ARFIP1: variants seen among roughly 807,000 people sequenced by gnomAD.
The protein encoded by ARFIP1 is ARF interacting protein 1.
Under a neutral mutation model 42.5 loss-of-function variants are expected in ARFIP1, and 24 were observed. The observed-to-expected ratio is 0.57, with a 90% confidence interval of 0.41 to 0.80. The LOEUF is 0.80. Among genes scored for constraint, ARFIP1 ranks in the 30% least tolerant of loss-of-function variants. The pLI is 0.00. For synonymous variants in ARFIP1, 141 were observed against 153.7 expected (o/e 0.92, Z 0.61); for missense variants, 354 against 434.0 (o/e 0.82, Z 1.64).
At chr4:152,833,679 G>A (rs770278642) in intron 2 of ARFIP1, among the ~76,000 whole-genome samples, 3 of 152,132 alleles carry the variant, frequency 2.0e-5, no homozygotes, top group African/African-American at 7.2e-5. Context: ...CAGACAATGC[G>A]ATATCATTCA....
chr4:152,887,792 A>G (rs1050987729), intron 7 of ARFIP1, among the ~76,000 whole-genome samples: 1 of 152,010 alleles, frequency 6.6e-6, no homozygotes, highest in Admixed American at 6.6e-5. Context: ...GCTTTGCCTA[A>G]TCAGTACTAA....
At chr4:152,818,440 G>T (rs528539494) in intron 1 of ARFIP1, among the ~76,000 whole-genome samples, 14 of 152,290 alleles carry the variant, frequency 9.2e-5, no homozygotes, top group Non-Finnish European at 2.1e-4. Flanking sequence ...GATGGGCTTT[G>T]CATGCACGCC....
intron 1 of ARFIP1, among the ~76,000 whole-genome samples, chr4:152,784,699 G>C (rs930613978): frequency 2.0e-5 from 3 of 152,124 alleles, no homozygotes; most frequent in African/African-American, 7.2e-5. Flanking sequence ...AATAACTTTG[G>C]GTATTTGGAA....
At chr4:152,825,277 C>T (rs1310089018) in intron 1 of ARFIP1, among the ~76,000 whole-genome samples, 2 of 152,118 alleles carry the variant, frequency 1.3e-5, no homozygotes, top group African/African-American at 4.8e-5. Flanking sequence ...AATCTAGAGG[C>T]ATCACATTAC....
chr4:152,900,997 T>A (rs1737785305), intron 8 of ARFIP1, among the ~76,000 whole-genome samples: 2 of 152,210 alleles, frequency 1.3e-5, no homozygotes, highest in South Asian at 4.1e-4. Flanking sequence ...ATTGCGGTTT[T>A]TGCCATTACT....
chr4:152,892,143 G>C (rs1224543328), intron 8 of ARFIP1, among the ~76,000 whole-genome samples: 1 of 152,064 alleles, frequency 6.6e-6, no homozygotes, highest in East Asian at 1.9e-4. Context: ...CTGGACTCAA[G>C]CAGTTTTCCC....
intron 2 of ARFIP1, among the ~76,000 whole-genome samples, chr4:152,838,329 T>A (rs1420831310): frequency 6.6e-6 from 1 of 152,184 alleles, no homozygotes; most frequent in Non-Finnish European, 1.5e-5. Context: ...GGCATTTTGA[T>A]GGTGACTGCA....
intron 2 of ARFIP1, among the ~76,000 whole-genome samples, chr4:152,831,843 A>G (rs979429589): frequency 1.3e-5 from 2 of 152,070 alleles, no homozygotes; most frequent in Non-Finnish European, 2.9e-5. Context: ...TACATGTGCC[A>G]TGGTGGTTCG....
intron 2 of ARFIP1, among the ~76,000 whole-genome samples, chr4:152,843,625 G>C (rs1168843331): frequency 6.6e-6 from 1 of 152,152 alleles, no homozygotes; most frequent in Non-Finnish European, 1.5e-5. Flanking sequence ...GAGATTCCCA[G>C]GTCACAGGAG....
intron 8 of ARFIP1, 91 bp downstream of exon 8, chr4:152,888,398 G>A: frequency 1.1e-6 from 1 of 871,174 alleles, no homozygotes; most frequent in Non-Finnish European, 1.7e-6. Flanking sequence ...TAACTCTCTT[G>A]TATGACAATT....
chr4:152,855,009 A>G (rs1175071970), intron 2 of ARFIP1, among the ~76,000 whole-genome samples: 1 of 152,216 alleles, frequency 6.6e-6, no homozygotes, highest in Non-Finnish European at 1.5e-5. Context: ...ACCTCTAGGC[A>G]GCTAGCATAG....
intron 1 of ARFIP1, among the ~76,000 whole-genome samples, chr4:152,811,363 C>T (rs948570821): frequency 6.6e-6 from 1 of 152,030 alleles, no homozygotes. Context: ...GTCCAAAGCC[C>T]TTAGTCTTCT....
intron 1 of ARFIP1, among the ~76,000 whole-genome samples, chr4:152,822,366 C>G (rs1730460851): frequency 6.9e-6 from 1 of 144,806 alleles, no homozygotes; most frequent in Non-Finnish European, 1.5e-5. Flanking sequence ...GAAAATGTTA[C>G]AGTCCTAAGC....
At chr4:152,868,920 CTA>C (rs1395143705) in intron 3 of ARFIP1, among the ~76,000 whole-genome samples, 2 of 152,132 alleles carry the variant, frequency 1.3e-5, no homozygotes, top group African/African-American at 4.8e-5. Context: ...TAATAAGAAA[CTA>C]TTTTAACTTC....
chr4:152,808,283 A>C (rs377631310), intron 1 of ARFIP1, among the ~76,000 whole-genome samples: 2 of 20,314 alleles, frequency 9.8e-5, no homozygotes, highest in Admixed American at 6.5e-4. Flanking sequence ...CCTGGCCTCC[A>C]TTTTTTTTTT....
At chr4:152,874,460 C>T (rs2149886226) in intron 5 of ARFIP1, among the ~76,000 whole-genome samples, 1 of 152,256 alleles carries the variant, frequency 6.6e-6, no homozygotes, top group East Asian at 1.9e-4. Context: ...TCCAGTGTGT[C>T]CAGGCTGACA....
At chr4:152,817,777 A>G (rs1403179005) in intron 1 of ARFIP1, among the ~76,000 whole-genome samples, 1 of 152,222 alleles carries the variant, frequency 6.6e-6, no homozygotes, top group Non-Finnish European at 1.5e-5. Context: ...TAACAACCCA[A>G]TTTTAAAATG....
Position 152,872,558 on chromosome 4 carries a change from C to G in ARFIP1, c.405C>G (p.Thr135=), listed in dbSNP as rs1204526415. 1.3e-6 allele frequency: 2 copies of G among 1,564,320 alleles called. No individual in the cohort carries two copies. Among genetic ancestry groups the G allele is most frequent in the Non-Finnish European group, 8.7e-7 (1 of 1,147,806 alleles). The change falls in exon 5 of 9, where the codon ACC becomes ACG. Residue 135 remains threonine, a synonymous_variant. Transcript: ENST00000353617. ...TTGTTAGAAAATGGAGTCTAAACAC[C>G]TATAAGGTTTGTAATTATTTAATGT... ...LELVRKWSLN[T]YKCTRQIISE...
At chr4:152,872,637 A>G in intron 5 of ARFIP1, 73 bp downstream of exon 5, 1 of 775,590 alleles carries the variant, frequency 1.3e-6, no homozygotes, top group Admixed American at 3.6e-5. Context: ...TCAAGTCATT[A>G]TGTTGCAATT....
Sources: gnomAD v4.1 joint callset for allele counts (sites outside exome capture counted in the v4.1 genomes callset) on GRCh38, gnomAD v4.1.1 for gene constraint, MANE v1.5 for transcripts, NCBI Gene and HGNC (gene_info 2026-07-23, HGNC 2026-07-21) for gene names.